The following BORCS5 variants were observed in gnomAD, a reference collection of about 807,000 sequenced individuals.
The protein encoded by BORCS5 is BLOC-1-related complex subunit 5.
A neutral mutation model predicts 22.1 loss-of-function variants in BORCS5; 17 were observed. The observed-to-expected ratio is 0.77, with a 90% CI of 0.53 to 1.15. BORCS5 has a LOEUF of 1.15. Among genes scored for constraint, BORCS5 ranks in the 50% most tolerant of loss-of-function variants. BORCS5 has a pLI of 0.00. For missense variants in BORCS5, 247 were observed against 253.2 expected, an observed-to-expected ratio of 0.98 and a Z score of 0.17; for synonymous variants, 117 against 99.8, an observed-to-expected ratio of 1.17 and a Z score of -1.03.
Position 12,418,127 on chromosome 12 carries a change from C to T in BORCS5, c.203-17501C>T, listed in dbSNP as rs1029863892. 6.2e-4 allele frequency among the ~76,000 whole-genome samples: 94 copies of T among 151,622 alleles called. 1 individual carries two copies. The highest frequency in any genetic ancestry group is 2.3e-3 in the African/African-American group (94 of 41,310). ...CAAGGTCTGCCTCCCAGGTTCACAC[C>T]ATTTTCCTGCCTCAGCTTCCTGAGT... On this transcript the variant is annotated intron_variant, in intron 2 of 3. Transcript: ENST00000314565.
chr12:12,397,702 CTT>C (rs1387604687), intron 2 of BORCS5, among the ~76,000 whole-genome samples: 1 of 152,166 alleles, frequency 6.6e-6, no homozygotes, highest in African/African-American at 2.4e-5. Context: ...TAATTCTAAA[CTT>C]TGGCTTATTT....
intron 2 of BORCS5, among the ~76,000 whole-genome samples, chr12:12,370,058 A>T (rs535263477): frequency 6.6e-6 from 1 of 150,890 alleles, no homozygotes; most frequent in Non-Finnish European, 1.5e-5. Flanking sequence ...GCTTTCATAT[A>T]TATTGCATCT....
Position 12,406,038 on chromosome 12 carries a change from C to G in BORCS5, c.203-29590C>G, listed in dbSNP as rs79215919. Among the ~76,000 whole-genome samples the G allele has an allele frequency of 4.3e-3, 662 of 152,318 alleles. 3 individuals carry two copies. Among genetic ancestry groups the G allele is most frequent in the Non-Finnish European group, 7.7e-3 (524 of 68,022 alleles). Reference sequence around the variant, plus strand: ...AACAATGCTGGCTGGCATTGGTGACCGGACTTTGCCACAGGGATTGCTTCT... The same window carrying G: ...AACAATGCTGGCTGGCATTGGTGACGGGACTTTGCCACAGGGATTGCTTCT... On this transcript the variant is annotated intron_variant, in intron 2 of 3. Coordinates refer to ENST00000314565, the MANE Select transcript of BORCS5 (RefSeq NM_058169.6).
Position 12,438,382 on chromosome 12 carries a change from G to GAAAAAAAAAAAAAA in BORCS5, c.360+2602_360+2603insAAAAAAAAAAAAAA, listed in dbSNP as rs1565915767. On this transcript the variant is annotated intron_variant, in intron 3 of 3. Transcript: ENST00000314565. ...TCTCAAAAAAAAAAAAAAAAAAAAC[G>GAAAAAAAAAAAAAA]AAAAACAACAACAAAAACCTCTAAT... is the stretch of plus-strand genomic sequence containing the variant. Among the ~76,000 whole-genome samples the GAAAAAAAAAAAAAA allele has an allele frequency of 2.3e-3, 248 of 106,802 alleles. 5 individuals are homozygous for GAAAAAAAAAAAAAA. The highest frequency in any genetic ancestry group is 6.7e-3 in the African/African-American group (121 of 18,030). The allele number at this position is 106,802 out of a possible 152,430, so 70.1% of individuals were successfully genotyped here.
chr12:12,417,561 C>T (rs548979583), intron 2 of BORCS5, among the ~76,000 whole-genome samples: 2 of 152,282 alleles, frequency 1.3e-5, no homozygotes, highest in Non-Finnish European at 2.9e-5. Context: ...GATATTGAGA[C>T]TTCCAGCTAT....
intron 1 of BORCS5, among the ~76,000 whole-genome samples, chr12:12,358,563 A>C (rs1319410119): frequency 1.3e-5 from 2 of 152,210 alleles, no homozygotes; most frequent in African/African-American, 4.8e-5. Flanking sequence ...GCAGGGCAGA[A>C]ACATATTTTA....
At chr12:12,383,081 C>T (rs1190743243) in intron 2 of BORCS5, among the ~76,000 whole-genome samples, 4 of 151,108 alleles carry the variant, frequency 2.6e-5, no homozygotes, top group Non-Finnish European at 4.4e-5. Context: ...TTGACTGCCT[C>T]CTTTTATATT....
intron 2 of BORCS5, among the ~76,000 whole-genome samples, chr12:12,430,298 C>T (rs912674096): frequency 4.0e-5 from 6 of 151,870 alleles, no homozygotes; most frequent in Non-Finnish European, 7.4e-5. Context: ...CTACAGGCGC[C>T]TGCCACCACG....
intron 3 of BORCS5, among the ~76,000 whole-genome samples, chr12:12,460,495 GC>G (rs1166001655): frequency 1.3e-5 from 2 of 152,152 alleles, no homozygotes; most frequent in Non-Finnish European, 1.5e-5. Flanking sequence ...TTAATTTATT[GC>G]ATTGGCTACT....
At chr12:12,434,944 T>A (rs1187926785) in intron 2 of BORCS5, among the ~76,000 whole-genome samples, 1 of 152,346 alleles carries the variant, frequency 6.6e-6, no homozygotes, top group East Asian at 1.9e-4. Flanking sequence ...TTTGGCCTCT[T>A]CAATTGATTT....
At chr12:12,393,681 G>A (rs138522897) in intron 2 of BORCS5, among the ~76,000 whole-genome samples, 1 of 132 alleles carries the variant, frequency 7.6e-3, no homozygotes, top group African/African-American at 0.036. Flanking sequence ...CACCATGCCT[G>A]CCTAAATTTT....
intron 3 of BORCS5, among the ~76,000 whole-genome samples, chr12:12,444,691 A>G (rs779187135): frequency 1.6e-4 from 24 of 152,238 alleles, no homozygotes; most frequent in Non-Finnish European, 2.8e-4. Flanking sequence ...TCCATGGTAA[A>G]TTTTGCTTGG....
rs1943292630 is a variant in BORCS5, at chr12:12,471,105, T to C, written c.*5329T>C. 6.6e-6 allele frequency among the ~76,000 whole-genome samples: 1 copy of C among 152,208 alleles called. No individual in the cohort carries two copies. Among genetic ancestry groups the C allele is most frequent in the South Asian group, 2.1e-4 (1 of 4,824 alleles). The stretch of plus-strand genomic sequence containing the variant: ...TGCTTCTACCGGCCACATCCTGCAT[T>C]TCCTGTGGGACAGCATTTTCAAACG... On this transcript the variant is annotated 3_prime_UTR_variant, in exon 4 of 4. Transcript: ENST00000314565.
chr12:12,444,248 CA>C (rs1315038145), intron 3 of BORCS5, among the ~76,000 whole-genome samples: 1 of 152,198 alleles, frequency 6.6e-6, no homozygotes, highest in Non-Finnish European at 1.5e-5. Context: ...AGCTAGGCTA[CA>C]GCTGTAAGTA....
At chr12:12,364,744 A>T (rs922477561) in intron 2 of BORCS5, among the ~76,000 whole-genome samples, 2 of 152,224 alleles carry the variant, frequency 1.3e-5, no homozygotes, top group African/African-American at 4.8e-5. Flanking sequence ...AGGCGGTTGG[A>T]TCACCTGAGC....
chr12:12,423,583 CT>C, intron 2 of BORCS5, among the ~76,000 whole-genome samples: 1 of 151,528 alleles, frequency 6.6e-6, no homozygotes, highest in East Asian at 1.9e-4. Flanking sequence ...AGTTTACCAC[CT>C]TATGGCCCCC....
chr12:12,404,583 A>G (rs1941551380), intron 2 of BORCS5, among the ~76,000 whole-genome samples: 1 of 152,216 alleles, frequency 6.6e-6, no homozygotes, highest in East Asian at 1.9e-4. Flanking sequence ...GCATTTTGGA[A>G]GGGACCCATT....
chr12:12,369,891 A>C (rs1189963187), intron 2 of BORCS5, among the ~76,000 whole-genome samples: 1 of 151,088 alleles, frequency 6.6e-6, no homozygotes, highest in African/African-American at 2.4e-5. Flanking sequence ...TGCCTGTCTA[A>C]TTTTTTTATT....
intron 2 of BORCS5, among the ~76,000 whole-genome samples, chr12:12,378,484 G>A (rs190605648): frequency 1.1e-3 from 164 of 152,290 alleles, no homozygotes; most frequent in Non-Finnish European, 1.9e-3. Flanking sequence ...CATGATTCTT[G>A]TTGATAGTAA....
Sources: gnomAD v4.1 joint callset for allele counts (sites outside exome capture counted in the v4.1 genomes callset) on GRCh38, gnomAD v4.1.1 for gene constraint, MANE v1.5 for transcripts, NCBI Gene and HGNC (gene_info 2026-07-23, HGNC 2026-07-21) for gene names.